The following CYP7B1 variants were observed in gnomAD, a reference collection of about 807,000 sequenced individuals.
CYP7B1 encodes the protein cytochrome P450 family 7 subfamily B member 1.
A neutral mutation model predicts 42.7 loss-of-function variants in CYP7B1; 29 were observed. That is an observed-to-expected ratio of 0.68 (90% CI 0.51 to 0.93). The LOEUF (loss-of-function observed/expected upper bound fraction) is 0.93, where lower values mean the gene tolerates loss of function less well. CYP7B1 is among the 40% of genes least tolerant of loss of function. The pLI is 0.00. For missense variants in CYP7B1, 655 were observed against 600.5 expected (o/e 1.09, Z -0.95); for synonymous variants, 235 against 218.2 (o/e 1.08, Z -0.68).
intron 1 of CYP7B1, among the ~76,000 whole-genome samples, chr8:64,777,972 T>A (rs968940079): frequency 2.0e-5 from 3 of 151,850 alleles, no homozygotes; most frequent in African/African-American, 4.8e-5. Context: ...AAATATGTCT[T>A]CTTTTTAAAA....
At chr8:64,599,917 G>A (rs957477126) in intron 5 of CYP7B1, among the ~76,000 whole-genome samples, 7 of 152,188 alleles carry the variant, frequency 4.6e-5, no homozygotes, top group African/African-American at 1.7e-4. Context: ...ACAGGAGATG[G>A]CAGTGCCAAG....
At chr8:64,777,986 T>C (rs890123582) in intron 1 of CYP7B1, among the ~76,000 whole-genome samples, 1 of 151,796 alleles carries the variant, frequency 6.6e-6, no homozygotes, top group Non-Finnish European at 1.5e-5. Context: ...TTTAAAATTG[T>C]GGGTATTATG....
chr8:64,766,962 G>A (rs1158623213), intron 1 of CYP7B1, among the ~76,000 whole-genome samples: 1 of 152,064 alleles, frequency 6.6e-6, no homozygotes, highest in Non-Finnish European at 1.5e-5. Context: ...CTATCCGAGG[G>A]GTCCTAGGAC....
chr8:64,600,736 G>A (rs771453451), intron 5 of CYP7B1, among the ~76,000 whole-genome samples: 7 of 152,226 alleles, frequency 4.6e-5, no homozygotes, highest in South Asian at 2.1e-4. Context: ...TTTATACTAC[G>A]AAAATTGACA....
intron 1 of CYP7B1, among the ~76,000 whole-genome samples, chr8:64,658,078 A>G (rs1457983799): frequency 6.6e-6 from 1 of 152,068 alleles, no homozygotes; most frequent in Non-Finnish European, 1.5e-5. Flanking sequence ...TTTTATGAGG[A>G]CACTATTCCC....
chr8:64,655,890 T>C (rs1806113384), intron 1 of CYP7B1, among the ~76,000 whole-genome samples: 1 of 152,194 alleles, frequency 6.6e-6, no homozygotes, highest in South Asian at 2.1e-4. Context: ...CTATTACCCT[T>C]AGCAAACTAA....
chr8:64,661,134 G>C (rs1461808993), intron 1 of CYP7B1, among the ~76,000 whole-genome samples: 1 of 152,170 alleles, frequency 6.6e-6, no homozygotes, highest in Non-Finnish European at 1.5e-5. Flanking sequence ...CAACATACAG[G>C]ATTTTACAGA....
At chr8:64,657,701 A>G (rs923766019) in intron 1 of CYP7B1, among the ~76,000 whole-genome samples, 2 of 152,238 alleles carry the variant, frequency 1.3e-5, no homozygotes, top group Admixed American at 6.5e-5. Context: ...TAAACAAAAC[A>G]TCACCTGTAA....
chr8:64,789,515 T>C (rs774024204), intron 1 of CYP7B1, among the ~76,000 whole-genome samples: 5 of 152,194 alleles, frequency 3.3e-5, no homozygotes, highest in Admixed American at 6.5e-5. Flanking sequence ...AAGCAAGCCT[T>C]TGCACTCAGA....
intron 5 of CYP7B1, among the ~76,000 whole-genome samples, chr8:64,600,416 C>A (rs908106381): frequency 1.3e-5 from 2 of 152,150 alleles, no homozygotes; most frequent in South Asian, 2.1e-4. Flanking sequence ...ACAATAGGAT[C>A]ATGTCTTGAA....
At chr8:64,686,039 C>G (rs1451305297) in intron 1 of CYP7B1, among the ~76,000 whole-genome samples, 11 of 68,680 alleles carry the variant, frequency 1.6e-4, no homozygotes, top group African/African-American at 4.0e-4. Context: ...CCACCCCGTC[C>G]GGGAGGGAGA....
chr8:64,596,756 ATAAGT>A lies in CYP7B1; in HGVS notation c.1402_1406del (p.Thr468PhefsTer2). 1 of 1,614,012 alleles carries A rather than the reference ATAAGT, an allele frequency of 6.2e-7. No individual in the cohort carries two copies. The highest frequency in any genetic ancestry group is 1.1e-5 in the South Asian group (1 of 91,050). ...TATCATCAATTATTTCTAAATCAAA[ATAAGT>A]TAAAAGTATAACCAACAATTGTTTT... is the stretch of plus-strand genomic sequence containing the variant. On this transcript the variant is annotated frameshift_variant, in exon 6 of 6. Transcript: ENST00000310193. LOFTEE classifies it low-confidence loss of function (END_TRUNC).
intron 1 of CYP7B1, among the ~76,000 whole-genome samples, chr8:64,744,213 T>G (rs866093400): frequency 1.3e-5 from 2 of 152,330 alleles, no homozygotes; most frequent in South Asian, 4.1e-4. Flanking sequence ...TTATTAATTT[T>G]CTGCATAAAA....
At position 64,616,036 on chromosome 8, in the gene CYP7B1, G is replaced by T; in HGVS notation, c.505C>A (p.Leu169Met). 2 of 1,613,700 alleles carry T rather than the reference G, an allele frequency of 1.2e-6. No homozygotes were observed. Among genetic ancestry groups the T allele is most frequent in the Non-Finnish European group, 1.7e-6 (2 of 1,179,808 alleles). ...GTGTCCCAACTTGTGGTTTTTAACA[G>T]CTGGGGTTCAAAAACTTGTTTTAGA... ...QNLKQVFEPQ[L>M]LKTTSWDTAE... is the part of the protein sequence containing the mutation. Residue 169 changes from leucine (L) to methionine (M), a missense_variant, in exon 3 of 6, where the codon CTG becomes ATG. Coordinates refer to ENST00000310193, the MANE Select transcript of CYP7B1 (RefSeq NM_004820.5).
At chr8:64,759,159 AG>A (rs1448270117) in intron 1 of CYP7B1, among the ~76,000 whole-genome samples, 1 of 152,240 alleles carries the variant, frequency 6.6e-6, no homozygotes, top group Non-Finnish European at 1.5e-5. Flanking sequence ...AATCTGCTGT[AG>A]CTCGCCAGGA....
intron 1 of CYP7B1, among the ~76,000 whole-genome samples, chr8:64,777,030 C>T (rs1804337356): frequency 6.6e-6 from 1 of 151,964 alleles, no homozygotes; most frequent in Non-Finnish European, 1.5e-5. Flanking sequence ...CAAACTTATA[C>T]TAAATAAATG....
At chr8:64,674,673 C>T (rs571147504) in intron 1 of CYP7B1, among the ~76,000 whole-genome samples, 1 of 152,042 alleles carries the variant, frequency 6.6e-6, no homozygotes, top group South Asian at 2.1e-4. Context: ...TACAATACAC[C>T]GTAGTGCACA....
chr8:64,648,645 C>T (rs1000474168), intron 1 of CYP7B1, among the ~76,000 whole-genome samples: 15 of 152,152 alleles, frequency 9.9e-5, no homozygotes, highest in Non-Finnish European at 2.2e-4. Flanking sequence ...TTGCTCTAGC[C>T]TCTGCTGATA....
At chr8:64,691,216 T>C (rs1806735279) in intron 1 of CYP7B1, among the ~76,000 whole-genome samples, 1 of 152,198 alleles carries the variant, frequency 6.6e-6, no homozygotes, top group Non-Finnish European at 1.5e-5. Flanking sequence ...TTAAATTTTC[T>C]TATTTATCAA....
Sources: allele counts gnomAD v4.1 joint callset (sites outside exome capture counted in the v4.1 genomes callset), GRCh38; gene constraint gnomAD v4.1.1; transcripts MANE v1.5; gene names NCBI Gene and HGNC (gene_info 2026-07-23, HGNC 2026-07-21).